KCNU1: variants seen among roughly 807,000 people sequenced by gnomAD.
KCNU1 encodes potassium calcium-activated channel subfamily U member 1, also known as potassium channel subfamily U member 1.
In KCNU1, 93 loss-of-function variants were observed where a neutral mutation model predicts 126.8. The observed-to-expected ratio is 0.73, with a 90% confidence interval of 0.62 to 0.87. The LOEUF (loss-of-function observed/expected upper bound fraction) is 0.87. KCNU1 is among the 40% of genes least tolerant of loss of function. KCNU1 has a pLI of 0.00. For synonymous variants in KCNU1, 523 were observed against 494.2 expected, an observed-to-expected ratio of 1.06 and a Z score of -0.77; for missense variants, 1,330 against 1,367.1, an observed-to-expected ratio of 0.97 and a Z score of 0.43.
chr8:36,904,118 T>C (rs532030502), intron 19 of KCNU1, among the ~76,000 whole-genome samples: 1 of 152,300 alleles, frequency 6.6e-6, no homozygotes, highest in South Asian at 2.1e-4. Flanking sequence ...GTTACTAATG[T>C]ACCATGGAAC....
chr8:36,889,032 C>T, intron 19 of KCNU1: 1 of 463,738 alleles, frequency 2.2e-6, no homozygotes, highest in Non-Finnish European at 4.4e-6. Flanking sequence ...GCATACACCA[C>T]CATGCCCAGC....
chr8:36,845,649 A>T lies in KCNU1; in HGVS notation c.1773A>T (p.Glu591Asp). Reference sequence around the variant, plus strand: ...ACACATTAGGGTTCTTTATTGCTGAAACTCCAAAGGACGTCAGAAGGTAAT... The same window carrying T: ...ACACATTAGGGTTCTTTATTGCTGATACTCCAAAGGACGTCAGAAGGTAAT... Reference protein sequence around the residue: ...RKNTLGFFIAETPKDVRRALF... With the variant: ...RKNTLGFFIADTPKDVRRALF... The change falls in exon 17 of 27, where the codon GAA becomes GAT. Residue 591 changes from glutamate (E) to aspartate (D), a missense_variant. By Grantham distance (45) the Glu-to-Asp change is conservative. Coordinates refer to ENST00000399881, the MANE Select transcript of KCNU1 (RefSeq NM_001031836.3). The T allele has an allele frequency of 6.2e-7, 1 of 1,608,052 alleles. No homozygotes were observed. The highest frequency in any genetic ancestry group is 1.1e-5 in the South Asian group (1 of 90,946).
At chr8:36,898,237 T>C (rs889885033) in intron 19 of KCNU1, among the ~76,000 whole-genome samples, 5 of 152,102 alleles carry the variant, frequency 3.3e-5, no homozygotes, top group Non-Finnish European at 7.4e-5. Flanking sequence ...AAAATATTCA[T>C]ATACCCTGCA....
At chr8:36,841,128 T>C (rs1300614581) in intron 16 of KCNU1, 125 bp downstream of exon 16, 4 of 691,756 alleles carry the variant, frequency 5.8e-6, no homozygotes, top group African/African-American at 5.4e-5. Flanking sequence ...CTTTGGTGGA[T>C]TGGCTGAGAG....
chr8:36,896,128 C>A (rs2117466978), intron 19 of KCNU1, among the ~76,000 whole-genome samples: 1 of 151,704 alleles, frequency 6.6e-6, no homozygotes, highest in South Asian at 2.1e-4. Flanking sequence ...TATTAGTAGA[C>A]CTATAATTTA....
At chr8:36,788,558 A>T (rs896429274) in intron 2 of KCNU1, among the ~76,000 whole-genome samples, 3 of 152,248 alleles carry the variant, frequency 2.0e-5, no homozygotes, top group African/African-American at 7.2e-5. Context: ...TAGCAAAAAC[A>T]TGGCTCTTTT....
chr8:36,831,739 G>T (rs1459534989), intron 10 of KCNU1, among the ~76,000 whole-genome samples: 3 of 148,472 alleles, frequency 2.0e-5, no homozygotes, highest in African/African-American at 7.5e-5. Flanking sequence ...AGTTTCTTTT[G>T]CTGTGCAGAA....
At chr8:36,836,745 G>T in intron 13 of KCNU1, 48 bp from the exon 14 acceptor site, 1 of 1,546,900 alleles carries the variant, frequency 6.5e-7, no homozygotes, top group South Asian at 1.1e-5. Context: ...GAGCTTTCTT[G>T]AGGTGTGTTT....
rs1379020131 is a variant in KCNU1 at position 36,853,663 on chromosome 8, G to T, written c.1891+7764G>T. On this transcript the variant is annotated intron_variant, in intron 18 of 26. Transcript: ENST00000399881. ...ATAGTATTTTAAGACTTGCTCCATTGTCTAATACATGGTCTATCCTGGAGA... is the reference window on the plus strand; with the variant it reads ...ATAGTATTTTAAGACTTGCTCCATTTTCTAATACATGGTCTATCCTGGAGA... 3.3e-5 allele frequency among the ~76,000 whole-genome samples: 5 copies of T among 152,118 alleles called. 1 individual carries two copies. The highest frequency in any genetic ancestry group is 1.9e-4 in the East Asian group (1 of 5,184).
intron 19 of KCNU1, among the ~76,000 whole-genome samples, chr8:36,902,570 G>A (rs1011523760): frequency 1.3e-5 from 2 of 152,130 alleles, no homozygotes; most frequent in Admixed American, 6.6e-5. Context: ...TTCTCAAAGA[G>A]TCCCTGAAAG....
chr8:36,853,679 A>G (rs565665256), intron 18 of KCNU1, among the ~76,000 whole-genome samples: 2 of 152,290 alleles, frequency 1.3e-5, no homozygotes, highest in East Asian at 3.9e-4. Context: ...TACATGGTCT[A>G]TCCTGGAGAC....
intron 14 of KCNU1, among the ~76,000 whole-genome samples, chr8:36,840,072 AT>A (rs1804894227): frequency 1.3e-5 from 2 of 152,220 alleles, no homozygotes; most frequent in South Asian, 4.1e-4. Flanking sequence ...AAACTAAAAT[AT>A]TTTAAACCAA....
At chr8:36,849,710 G>T (rs1805276087) in intron 18 of KCNU1, among the ~76,000 whole-genome samples, 1 of 151,980 alleles carries the variant, frequency 6.6e-6, no homozygotes, top group African/African-American at 2.4e-5. Flanking sequence ...ACCTCATTTT[G>T]TTATACATTT....
At chr8:36,857,873 T>C (rs1805586036) in intron 18 of KCNU1, among the ~76,000 whole-genome samples, 1 of 152,126 alleles carries the variant, frequency 6.6e-6, no homozygotes, top group South Asian at 2.1e-4. Context: ...CTTGAACTCC[T>C]GACCTCAGGT....
At chr8:36,810,701 T>A (rs1043681942) in intron 7 of KCNU1, among the ~76,000 whole-genome samples, 2 of 152,118 alleles carry the variant, frequency 1.3e-5, no homozygotes, top group African/African-American at 4.8e-5. Flanking sequence ...TAGAAAGGAA[T>A]CAATATGGCA....
At chr8:36,905,200 G>T (rs1389159897) in intron 19 of KCNU1, among the ~76,000 whole-genome samples, 1 of 152,038 alleles carries the variant, frequency 6.6e-6, no homozygotes, top group African/African-American at 2.4e-5. Flanking sequence ...AGTGATGAAA[G>T]CTTTAAAGAA....
At chr8:36,903,959 C>A (rs1026073081) in intron 19 of KCNU1, among the ~76,000 whole-genome samples, 5 of 152,146 alleles carry the variant, frequency 3.3e-5, no homozygotes, top group African/African-American at 1.2e-4. Flanking sequence ...TATTCAATTA[C>A]CTCCCACTGG....
intron 19 of KCNU1, among the ~76,000 whole-genome samples, chr8:36,901,464 G>A (rs1807415507): frequency 6.6e-6 from 1 of 152,136 alleles, no homozygotes; most frequent in Non-Finnish European, 1.5e-5. Flanking sequence ...GCTGGAAGAC[G>A]TTCAAGTGAC....
chr8:36,812,717 G>A (rs1298560665), intron 7 of KCNU1, among the ~76,000 whole-genome samples: 1 of 152,158 alleles, frequency 6.6e-6, no homozygotes, highest in Non-Finnish European at 1.5e-5. Flanking sequence ...ATGGGTCAAT[G>A]TAACATGGTT....
Sources: allele counts gnomAD v4.1 joint callset (sites outside exome capture counted in the v4.1 genomes callset), GRCh38; gene constraint gnomAD v4.1.1; transcripts MANE v1.5; gene names NCBI Gene and HGNC (gene_info 2026-07-23, HGNC 2026-07-21).